Variants in NARS1 observed in about 807,000 individuals in gnomAD.
NARS1 encodes asparaginyl-tRNA synthetase 1.
A neutral mutation model predicts 79.2 loss-of-function variants in NARS1; 65 were observed. The ratio of observed to expected loss-of-function variants is 0.82; its 90% CI spans 0.67 to 1.01. NARS1 has a LOEUF of 1.01. NARS1 is among the 50% of genes least tolerant of loss of function. The pLI is 0.00. For synonymous variants in NARS1, 229 were observed against 238.8 expected (o/e 0.96, Z 0.38); for missense variants, 649 against 673.8 (o/e 0.96, Z 0.41).
At chr18:57,602,117 T>C (rs762006278) in intron 13 of NARS1, among the ~76,000 whole-genome samples, 1 of 152,158 alleles carries the variant, frequency 6.6e-6, no homozygotes, top group Non-Finnish European at 1.5e-5. Context: ...GATCAATTTT[T>C]TAAAACTCAG....
intron 11 of NARS1, among the ~76,000 whole-genome samples, chr18:57,605,212 C>T (rs1182084952): frequency 6.6e-6 from 1 of 151,208 alleles, no homozygotes; most frequent in Non-Finnish European, 1.5e-5. Context: ...TAAAGCACTC[C>T]TACCAGCCTA....
intron 5 of NARS1, 81 bp from the exon 6 acceptor site, chr18:57,611,788 G>C: frequency 1.4e-6 from 1 of 727,786 alleles, no homozygotes; most frequent in Non-Finnish European, 2.0e-6. Context: ...TTAAAGATAG[G>C]GTCTCACTTC....
chr18:57,615,300 A>G (rs1449801444), intron 4 of NARS1, among the ~76,000 whole-genome samples: 1 of 152,208 alleles, frequency 6.6e-6, no homozygotes, highest in East Asian at 1.9e-4. Flanking sequence ...CGGGAGATCA[A>G]GACCATCCTG....
intron 2 of NARS1, among the ~76,000 whole-genome samples, chr18:57,617,708 A>C (rs955263699): frequency 6.6e-6 from 1 of 151,410 alleles, no homozygotes; most frequent in Non-Finnish European, 1.5e-5. Flanking sequence ...TGAGGTCAGG[A>C]GTTCGAGACC....
At chr18:57,611,594 G>T in intron 6 of NARS1, 43 bp downstream of exon 6, 1 of 1,330,304 alleles carries the variant, frequency 7.5e-7, no homozygotes, top group Non-Finnish European at 1.1e-6. Flanking sequence ...GGAATCTACT[G>T]AAAACATCTA....
chr18:57,607,272 T>G lies in NARS1; in HGVS notation c.863A>C (p.Asp288Ala), dbSNP rs777160313. 2.8e-5 allele frequency: 46 copies of G among 1,614,118 alleles called. No individual in the cohort carries two copies. Among genetic ancestry groups the G allele is most frequent in the Middle Eastern group, 3.3e-4 (2 of 6,062 alleles). ...CAAAAATGCCTCTTCCCCAAAATAGTCAAGCTTGAAGAGTGTGGCACCACC... is the reference window on the plus strand; with the variant it reads ...CAAAAATGCCTCTTCCCCAAAATAGGCAAGCTTGAAGAGTGTGGCACCACC... The part of the protein sequence containing the change: ...VEGGATLFKL[D>A]YFGEEAFLTQ... Residue 288 changes from aspartate to alanine, a missense_variant, in exon 9 of 14, where the codon GAC becomes GCC. Physicochemically the swap from Asp to Ala is moderately radical, Grantham distance 126. Transcript: ENST00000256854.
intron 6 of NARS1, 124 bp from the exon 7 acceptor site, chr18:57,609,567 A>C (rs2051588501): frequency 3.0e-6 from 2 of 673,204 alleles, no homozygotes; most frequent in African/African-American, 1.8e-5. Context: ...ATAAAGAGTG[A>C]GATGGCCACT....
chr18:57,613,560 G>T (rs763426010), intron 5 of NARS1, 42 bp downstream of exon 5: 4 of 1,497,256 alleles, frequency 2.7e-6, no homozygotes, highest in Non-Finnish European at 3.7e-6. Context: ...TAAGAGCAGG[G>T]ATATTTAAAC....
Position 57,601,455 on chromosome 18 carries a change from G to T in NARS1, c.*197C>A. On this transcript the variant is annotated 3_prime_UTR_variant, in exon 14 of 14. Coordinates refer to ENST00000256854, the MANE Select transcript of NARS1 (RefSeq NM_004539.4). ...TGTTTCCCGAACTTAAGAAAAAAATGGATATTTTTTCTTAAGATGACAACC... is the reference window on the plus strand; with the variant it reads ...TGTTTCCCGAACTTAAGAAAAAAATTGATATTTTTTCTTAAGATGACAACC... 2.1e-6 allele frequency: 1 copy of T among 474,908 alleles called. No individual in the cohort carries two copies. The highest frequency in any genetic ancestry group is 5.9e-4 in the Middle Eastern group (1 of 1,690). 29.4% of individuals were successfully genotyped at this position (474,908 alleles called of 1,614,324 possible).
Position 57,608,096 on chromosome 18 carries a change from G to C in NARS1, c.580-431C>G, listed in dbSNP as rs142003152. Among the ~76,000 whole-genome samples, 1,152 of 151,844 alleles carry C rather than the reference G, an allele frequency of 7.6e-3. 17 individuals carry two copies. The highest frequency in any genetic ancestry group is 0.027 in the African/African-American group (1,107 of 41,476). ...TTGGCAAAACTGGTCTCGATCTCCT[G>C]ACCTCGTGATCCGCCCGCCTCGGCC... On this transcript the variant is annotated intron_variant, in intron 7 of 13. Transcript: ENST00000256854.
At chr18:57,608,144 G>C (rs1287188283) in intron 7 of NARS1, among the ~76,000 whole-genome samples, 2 of 152,048 alleles carry the variant, frequency 1.3e-5, no homozygotes, top group Non-Finnish European at 2.9e-5. Context: ...GGGATTACAG[G>C]CATGAGCCAC....
chr18:57,606,537 T>A, intron 10 of NARS1, 79 bp downstream of exon 10: 6 of 1,426,726 alleles, frequency 4.2e-6, no homozygotes, highest in Non-Finnish European at 5.7e-6. Context: ...CCATCAAATC[T>A]ACAAAAACTG....
chr18:57,606,357 T>A (rs11320277), intron 10 of NARS1, among the ~76,000 whole-genome samples: 243 of 970 alleles, frequency 0.25, 38 homozygotes, highest in East Asian at 0.55. Context: ...AAAAAAAATA[T>A]ATATATATAT....
chr18:57,619,709 T>A lies in NARS1; in HGVS notation c.93+860A>T, dbSNP rs866819413. Among the ~76,000 whole-genome samples, 27 of 150,998 alleles carry A rather than the reference T, an allele frequency of 1.8e-4. 1 individual carries two copies. Among genetic ancestry groups the A allele is most frequent in the Middle Eastern group, 6.8e-3 (2 of 294 alleles). ...GTTGTGAGTCCAAGCCCTTTTTTTG[T>A]TTTTTCTTCTGAGACAGGGTCTCAG... On this transcript the variant is annotated intron_variant, in intron 2 of 13. Coordinates refer to ENST00000256854, the MANE Select transcript of NARS1 (RefSeq NM_004539.4).
At chr18:57,606,920 T>A (rs1279806727) in intron 9 of NARS1, 169 bp from the exon 10 acceptor site, 1 of 941,938 alleles carries the variant, frequency 1.1e-6, no homozygotes, top group Non-Finnish European at 1.6e-6. Flanking sequence ...AGCAATTTCT[T>A]GTTTGCTCCT....
intron 4 of NARS1, among the ~76,000 whole-genome samples, chr18:57,615,255 C>G (rs953086646): frequency 3.3e-5 from 5 of 152,256 alleles, no homozygotes; most frequent in Admixed American, 6.5e-5. Flanking sequence ...GTAATCCCAG[C>G]ACTTTGGGAG....
Position 57,620,568 on chromosome 18 carries a change from C to A in NARS1, c.93+1G>T. ...ATTTTCCTAATGAGAAGAGACTCTA[C>A]CTTTAGACCTGTTTTAAATGGTTTC... On this transcript the variant is annotated splice_donor_variant, in intron 2 of 13. Transcript: ENST00000256854. LOFTEE classifies it high-confidence loss of function. 1 of 1,604,410 alleles carries A rather than the reference C, an allele frequency of 6.2e-7. No homozygotes were observed.
intron 5 of NARS1, 81 bp from the exon 6 acceptor site, chr18:57,611,788 G>A: frequency 1.4e-6 from 1 of 727,786 alleles, no homozygotes; most frequent in Non-Finnish European, 2.0e-6. Context: ...TTAAAGATAG[G>A]GTCTCACTTC....
chr18:57,620,517 C>T (rs1908254809), intron 2 of NARS1, 52 bp downstream of exon 2: 4 of 1,255,154 alleles, frequency 3.2e-6, no homozygotes, highest in Non-Finnish European at 4.6e-6. Flanking sequence ...AGAAAATTGA[C>T]ATAACTCATT....
Sources: allele counts gnomAD v4.1 joint callset (sites outside exome capture counted in the v4.1 genomes callset), GRCh38; gene constraint gnomAD v4.1.1; transcripts MANE v1.5; gene names NCBI Gene and HGNC (gene_info 2026-07-23, HGNC 2026-07-21).